The following ATRNL1 variants were observed in gnomAD, a reference collection of about 807,000 sequenced individuals.
ATRNL1 encodes the protein attractin-like protein 1.
A neutral mutation model predicts 182.7 loss-of-function variants in ATRNL1; 95 were observed. The observed-to-expected ratio is 0.52, with a 90% CI of 0.44 to 0.62. ATRNL1 has a LOEUF of 0.62. Among genes scored for constraint, ATRNL1 ranks in the 20% least tolerant of loss-of-function variants. ATRNL1 has a pLI of 0.00. For missense variants in ATRNL1, 1,471 were observed against 1,679.5 expected, an observed-to-expected ratio of 0.88 and a Z score of 2.17; for synonymous variants, 576 against 568.3, an observed-to-expected ratio of 1.01 and a Z score of -0.19.
intron 26 of ATRNL1, among the ~76,000 whole-genome samples, chr10:115,628,964 T>C (rs192618914): frequency 1.5e-3 from 234 of 152,296 alleles, no homozygotes; most frequent in African/African-American, 5.4e-3. Context: ...TGGCTATAGA[T>C]GTATGAGTTT....
At chr10:115,166,350 A>G (rs1847040127) in intron 7 of ATRNL1, among the ~76,000 whole-genome samples, 1 of 152,048 alleles carries the variant, frequency 6.6e-6, no homozygotes, top group Non-Finnish European at 1.5e-5. Flanking sequence ...CATTGTGAAT[A>G]ATGTTTCTAT....
intron 8 of ATRNL1, among the ~76,000 whole-genome samples, chr10:115,179,491 T>C (rs540282650): frequency 3.3e-5 from 5 of 152,282 alleles, no homozygotes; most frequent in South Asian, 2.1e-4. Flanking sequence ...GTCTTCCTGT[T>C]GTGGTAGGTC....
chr10:115,902,578 G>A lies in ATRNL1; in HGVS notation c.4019-42080G>A, dbSNP rs556089044. On this transcript the variant is annotated intron_variant, in intron 28 of 28. Transcript: ENST00000355044. ...GACCTCATATTAGAAAGTGAAAACA[G>A]CAGAGTCTGGAGTGAATGTCCCCAC... Among the ~76,000 whole-genome samples the A allele has an allele frequency of 2.3e-4, 35 of 152,294 alleles. No homozygotes were observed. The South Asian group carries it at 5.8e-3, about 25-fold the overall frequency.
intron 14 of ATRNL1, among the ~76,000 whole-genome samples, chr10:115,282,314 T>C (rs1852405818): frequency 6.6e-6 from 1 of 150,658 alleles, no homozygotes; most frequent in African/African-American, 2.4e-5. Flanking sequence ...ATGTGCAGGT[T>C]AGTTACATAT....
intron 21 of ATRNL1, among the ~76,000 whole-genome samples, chr10:115,457,099 G>C (rs549493646): frequency 2.0e-5 from 3 of 151,944 alleles, no homozygotes; most frequent in Non-Finnish European, 4.4e-5. Flanking sequence ...TTCTTTTCTC[G>C]TGACCATGAG....
chr10:115,694,496 T>C (rs1946491676), intron 26 of ATRNL1, among the ~76,000 whole-genome samples: 1 of 148,630 alleles, frequency 6.7e-6, no homozygotes, highest in African/African-American at 2.6e-5. Context: ...CTTTTCATAA[T>C]GTAAACAGCT....
intron 26 of ATRNL1, among the ~76,000 whole-genome samples, chr10:115,722,938 G>T (rs1947476471): frequency 6.6e-6 from 1 of 152,134 alleles, no homozygotes; most frequent in African/African-American, 2.4e-5. Context: ...AGTTTTAAAA[G>T]TTTATGCATA....
At chr10:115,682,026 AT>A (rs1946061797) in intron 26 of ATRNL1, among the ~76,000 whole-genome samples, 1 of 152,106 alleles carries the variant, frequency 6.6e-6, no homozygotes, top group Non-Finnish European at 1.5e-5. Context: ...TGTTGTAGTG[AT>A]TTTTTTAGAC....
At chr10:115,697,029 C>T (rs1321429757) in intron 26 of ATRNL1, among the ~76,000 whole-genome samples, 1 of 152,088 alleles carries the variant, frequency 6.6e-6, no homozygotes, top group Non-Finnish European at 1.5e-5. Context: ...TGGCCTCTTC[C>T]TTGACATGTG....
intron 9 of ATRNL1, among the ~76,000 whole-genome samples, chr10:115,236,981 T>C (rs976028835): frequency 1.3e-5 from 2 of 152,228 alleles, no homozygotes; most frequent in East Asian, 1.9e-4. Flanking sequence ...TAGAATGTCA[T>C]AAAGCTGGAA....
At chr10:115,352,859 T>C (rs1856324762) in intron 19 of ATRNL1, among the ~76,000 whole-genome samples, 1 of 152,096 alleles carries the variant, frequency 6.6e-6, no homozygotes, top group Non-Finnish European at 1.5e-5. Flanking sequence ...GAGATTGTGG[T>C]GCCATTGCAC....
intron 20 of ATRNL1, among the ~76,000 whole-genome samples, chr10:115,405,683 G>A (rs1390997083): frequency 2.1e-5 from 3 of 139,618 alleles, no homozygotes; most frequent in Non-Finnish European, 4.9e-5. Context: ...TCATTCATTT[G>A]CCTGTTTTCT....
At chr10:115,823,509 G>A (rs1319366628) in intron 27 of ATRNL1, among the ~76,000 whole-genome samples, 1 of 152,200 alleles carries the variant, frequency 6.6e-6, no homozygotes, top group African/African-American at 2.4e-5. Context: ...CAGATGACAT[G>A]ATTGTATATT....
At chr10:115,474,971 T>C (rs782618114) in intron 24 of ATRNL1, among the ~76,000 whole-genome samples, 12 of 151,276 alleles carry the variant, frequency 7.9e-5, no homozygotes, top group Non-Finnish European at 1.6e-4. Context: ...TAGGTGATAA[T>C]GTGCACAGAT....
rs34811826 is a variant in ATRNL1 at position 115,540,756 on chromosome 10, TA to T, written c.3717-8686del. Among the ~76,000 whole-genome samples, 410 of 77,624 alleles carry T rather than the reference TA, an allele frequency of 5.3e-3. 5 individuals are homozygous for T. Among genetic ancestry groups the T allele is most frequent in the African/African-American group, 0.011 (253 of 23,490 alleles). The allele number at this position is 77,624 out of a possible 152,430, so 50.9% of individuals were successfully genotyped here. A position where few individuals can be genotyped will look rare whatever the true frequency, so the allele number is the denominator to read the frequency against. ...TGGGCAACAAGAGCAAAACTCCGTC[TA>T]AAAAAAAAAAAAAAAGGGGGGAGGG... On this transcript the variant is annotated intron_variant, in intron 25 of 28. Transcript: ENST00000355044.
intron 24 of ATRNL1, among the ~76,000 whole-genome samples, chr10:115,486,283 A>G (rs1849019164): frequency 6.6e-6 from 1 of 152,136 alleles, no homozygotes; most frequent in Admixed American, 6.6e-5. Flanking sequence ...GCTGGGTCAA[A>G]TAGTATTTCT....
Position 115,348,941 on chromosome 10 carries a change from TATC to T in ATRNL1, c.3175+14525_3175+14527del, listed in dbSNP as rs1236668807. Among the ~76,000 whole-genome samples, 3 of 152,330 alleles carry T rather than the reference TATC, an allele frequency of 2.0e-5. No homozygotes were observed. The East Asian group carries it at 5.8e-4, about 29-fold the overall frequency. Reference sequence around the variant, plus strand: ...TGAAATATCCATCACCTCAAACATTTATCATTTCTTTGTGTTGTGAATGCTCCA... The same window carrying T: ...TGAAATATCCATCACCTCAAACATTTATTTCTTTGTGTTGTGAATGCTCCA... On this transcript the variant is annotated intron_variant, in intron 19 of 28. Coordinates refer to ENST00000355044, the MANE Select transcript of ATRNL1 (RefSeq NM_207303.4).
At chr10:115,386,243 G>A (rs1351695603) in intron 19 of ATRNL1, among the ~76,000 whole-genome samples, 3 of 151,914 alleles carry the variant, frequency 2.0e-5, no homozygotes, top group South Asian at 4.2e-4. Flanking sequence ...TATGGTTGTC[G>A]GTGTATAGAG....
intron 28 of ATRNL1, among the ~76,000 whole-genome samples, chr10:115,895,403 C>T (rs145796701): frequency 3.9e-5 from 6 of 152,352 alleles, no homozygotes; most frequent in South Asian, 4.1e-4. Flanking sequence ...GTGTTGCACA[C>T]GGCTGTGCTC....
Sources: allele counts gnomAD v4.1 joint callset (sites outside exome capture counted in the v4.1 genomes callset), GRCh38; gene constraint gnomAD v4.1.1; transcripts MANE v1.5; gene names NCBI Gene and HGNC (gene_info 2026-07-23, HGNC 2026-07-21).